The following CRYAB variants were observed in gnomAD, a reference collection of about 807,000 sequenced individuals.
CRYAB encodes alpha-crystallin B chain.
A neutral mutation model predicts 12.7 loss-of-function variants in CRYAB; 9 were observed. The observed-to-expected ratio is 0.71, with a 90% CI of 0.43 to 1.24. The LOEUF (loss-of-function observed/expected upper bound fraction) is 1.24, where lower values mean the gene tolerates loss of function less well. Among genes scored for constraint, CRYAB ranks in the 50% most tolerant of loss-of-function variants. The pLI is 0.00. For synonymous variants in CRYAB, 93 were observed against 86.8 expected, an observed-to-expected ratio of 1.07 and a Z score of -0.40; for missense variants, 183 against 226.6, an observed-to-expected ratio of 0.81 and a Z score of 1.24.
At chr11:111,913,530 G>T, upstream of CRYAB, 1 of 1,614,114 alleles carries the variant, frequency 6.2e-7, no homozygotes, top group Non-Finnish European at 8.5e-7. Context: ...GGGCAGCAGG[G>T]CAGGGGCCTC....
At chr11:111,921,444 C>A (rs1456902163) in intron 1 of CRYAB, among the ~76,000 whole-genome samples, 1 of 152,198 alleles carries the variant, frequency 6.6e-6, no homozygotes, top group East Asian at 1.9e-4. Context: ...GAACACCTAA[C>A]ATCATGGAAA....
upstream of CRYAB, among the ~76,000 whole-genome samples, chr11:111,917,627 A>AC (rs1965617124): frequency 6.9e-6 from 1 of 144,442 alleles, no homozygotes; most frequent in Non-Finnish European, 1.5e-5. Flanking sequence ...ACATAACAAG[A>AC]CCCCCATCTC....
rs782355613 is a variant in CRYAB, at chr11:111,910,417, G to A, written c.234C>T (p.Asn78=). The change falls in exon 2 of 3, where the codon AAC becomes AAT. Residue 78 remains asparagine, a synonymous_variant. Coordinates refer to ENST00000650687, the MANE Select transcript of CRYAB (RefSeq NM_001289808.2). ...CTGGGGAGAAGTGCTTCACATCCAG[G>A]TTGACAGAGAACCTGTCCTTCTCCA... The part of the protein sequence containing the change: ...MRLEKDRFSV[N]LDVKHFSPEE... 6.2e-7 allele frequency: 1 copy of A among 1,614,166 alleles called. No individual in the cohort carries two copies. The highest frequency in any genetic ancestry group is 8.5e-7 in the Non-Finnish European group (1 of 1,180,026).
At chr11:111,918,376 G>A (rs1965629670) in intron 1 of CRYAB, among the ~76,000 whole-genome samples, 1 of 152,090 alleles carries the variant, frequency 6.6e-6, no homozygotes, top group South Asian at 2.1e-4. Flanking sequence ...TAGAAACTTA[G>A]GCCCTATAAA....
At chr11:111,910,175 T>C in intron 2 of CRYAB, 152 bp downstream of exon 2, 1 of 909,614 alleles carries the variant, frequency 1.1e-6, no homozygotes. Context: ...CTATCCTAAC[T>C]TAGTCTTCTA....
upstream of CRYAB, chr11:111,913,246 C>T: frequency 3.2e-6 from 2 of 624,886 alleles, no homozygotes; most frequent in Non-Finnish European, 5.7e-6. Flanking sequence ...CTCCTCCTCC[C>T]TTTCCTTTCC....
chr11:111,918,662 C>A, intron 1 of CRYAB: 1 of 680,552 alleles, frequency 1.5e-6, no homozygotes, highest in Non-Finnish European at 2.7e-6. Context: ...AAACCAAGAG[C>A]CCTTTTCTAT....
intron 1 of CRYAB, among the ~76,000 whole-genome samples, chr11:111,921,449 T>G (rs1555166563): frequency 6.6e-6 from 1 of 152,218 alleles, no homozygotes; most frequent in Non-Finnish European, 1.5e-5. Context: ...CCTAACATCA[T>G]GGAAAATTTT....
chr11:111,909,817 A>G lies in CRYAB; in HGVS notation c.324+510T>C, dbSNP rs1395645968. ...AAGTGCTTTTAGGGTACCTGTAGTT[A>G]ATGTAATTATGCAAAGCAACTAGGT... On this transcript the variant is annotated intron_variant, in intron 2 of 2. Coordinates refer to ENST00000650687, the MANE Select transcript of CRYAB (RefSeq NM_001289808.2). 5 of 277,766 alleles carry G rather than the reference A, an allele frequency of 1.8e-5. No individual in the cohort carries two copies. The Admixed American group carries it at 2.4e-4, about 14-fold the overall frequency. The allele number at this position is 277,766 out of a possible 1,614,324, so 17.2% of individuals were successfully genotyped here. A position where few individuals can be genotyped will look rare whatever the true frequency, so the allele number is the denominator to read the frequency against.
upstream of CRYAB, chr11:111,912,739 A>G (rs1555165729): frequency 2.4e-6 from 2 of 818,392 alleles, no homozygotes; most frequent in Middle Eastern, 4.3e-4. Context: ...CCCACCTCCT[A>G]TCGAGCCCTG....
At chr11:111,912,689 C>CCAA, upstream of CRYAB, 13 of 535,172 alleles carry the variant, frequency 2.4e-5, no homozygotes, top group South Asian at 1.2e-4. Context: ...CCTCCCCCCC[C>CCAA]AAGAGGCTCG....
upstream of CRYAB, chr11:111,918,034 G>A (rs1449211380): frequency 6.6e-6 from 1 of 152,182 alleles, no homozygotes; most frequent in Non-Finnish European, 1.5e-5. Flanking sequence ...GTGGAGTGCA[G>A]AGCTGAGTGG....
At chr11:111,911,308 C>G (rs1433904115) in intron 1 of CRYAB, among the ~76,000 whole-genome samples, 3 of 152,110 alleles carry the variant, frequency 2.0e-5, no homozygotes, top group Non-Finnish European at 2.9e-5. Flanking sequence ...ATAAACTTGA[C>G]AGTGCATGAA....
At chr11:111,912,374 G>A (rs2234702), upstream of CRYAB, 5 of 182,474 alleles carry the variant, frequency 2.7e-5, no homozygotes, top group Non-Finnish European at 5.7e-5. Context: ...TGCATCTTTC[G>A]TTCTATGTGG....
upstream of CRYAB, chr11:111,913,978 G>A: frequency 1.7e-6 from 2 of 1,196,094 alleles, no homozygotes; most frequent in Non-Finnish European, 2.3e-6. Context: ...AGAGGTAGCA[G>A]CATCCTTGGG....
upstream of CRYAB, among the ~76,000 whole-genome samples, chr11:111,915,874 C>G (rs946617417): frequency 9.9e-5 from 15 of 152,142 alleles, no homozygotes; most frequent in Non-Finnish European, 1.9e-4. Context: ...TCCTGAGTAG[C>G]TGGGACTACA....
At chr11:111,913,316 C>G (rs781895872), upstream of CRYAB, 1 of 742,722 alleles carries the variant, frequency 1.3e-6, no homozygotes, top group Non-Finnish European at 2.3e-6. Flanking sequence ...GCCTCCCTCC[C>G]GTTCCCTACT....
upstream of CRYAB, chr11:111,914,042 C>A: frequency 1.3e-6 from 1 of 746,074 alleles, no homozygotes; most frequent in Non-Finnish European, 2.1e-6. Context: ...TGGGACATGT[C>A]ATAGCCTTGG....
At chr11:111,909,907 A>C in intron 2 of CRYAB, 1 of 519,006 alleles carries the variant, frequency 1.9e-6, no homozygotes, top group Admixed American at 3.3e-5. Flanking sequence ...TTACCTTAAA[A>C]ATTGCTGATG....
Sources: gnomAD v4.1 joint callset for allele counts (sites outside exome capture counted in the v4.1 genomes callset) on GRCh38, gnomAD v4.1.1 for gene constraint, MANE v1.5 for transcripts, NCBI Gene and HGNC (gene_info 2026-07-23, HGNC 2026-07-21) for gene names.